The following MYOM2 variants were observed in gnomAD, a reference collection of about 807,000 sequenced individuals.
MYOM2 encodes myomesin-2.
Under a neutral mutation model 187.6 loss-of-function variants are expected in MYOM2, and 254 were observed. The observed-to-expected ratio is 1.35, with a 90% CI of 1.22 to 1.50. The LOEUF (loss-of-function observed/expected upper bound fraction) is 1.50, where lower values mean the gene tolerates loss of function less well. Ranked by LOEUF, MYOM2 falls within the 40% of genes most tolerant of loss-of-function variation. The pLI, the probability that MYOM2 is intolerant of heterozygous loss-of-function variation, is 0.00. For missense variants in MYOM2, 2,796 were observed against 1,924.0 expected (o/e 1.45, Z -8.48); for synonymous variants, 981 against 753.8 (o/e 1.30, Z -4.94).
chr8:2,064,482 G>C (rs17751423), intron 6 of MYOM2, among the ~76,000 whole-genome samples: 17,507 of 152,170 alleles, frequency 0.12, 1,339 homozygotes, highest in Middle Eastern at 0.2. Context: ...CTCCGGTGAC[G>C]GGTTTCTTTA....
chr8:2,095,918 A>T (rs962970164), intron 17 of MYOM2, among the ~76,000 whole-genome samples: 1 of 152,220 alleles, frequency 6.6e-6, no homozygotes, highest in Non-Finnish European at 1.5e-5. Flanking sequence ...AGCTTCTTTC[A>T]AGGGGCCGAG....
At chr8:2,061,078 G>A (rs543911381) in intron 6 of MYOM2, among the ~76,000 whole-genome samples, 1 of 152,262 alleles carries the variant, frequency 6.6e-6, no homozygotes, top group Non-Finnish European at 1.5e-5. Context: ...TATCGAGGGA[G>A]GGGCTTGAGT....
At chr8:2,090,236 G>A (rs1459459057) in intron 15 of MYOM2, 45 bp downstream of exon 15, 14 of 1,565,958 alleles carry the variant, frequency 8.9e-6, no homozygotes, top group African/African-American at 4.1e-5. Flanking sequence ...TGGACTAAGA[G>A]TGGGGTGACA....
At chr8:2,080,815 C>T (rs1415036431) in intron 13 of MYOM2, among the ~76,000 whole-genome samples, 12 of 151,776 alleles carry the variant, frequency 7.9e-5, no homozygotes, top group African/African-American at 2.7e-4. Context: ...TTGGTTCTGG[C>T]CTCCGGGAGG....
chr8:2,053,751 C>A (rs1233305297), intron 3 of MYOM2, among the ~76,000 whole-genome samples: 4 of 152,198 alleles, frequency 2.6e-5, no homozygotes, highest in African/African-American at 9.7e-5. Context: ...CTGTCTTAGA[C>A]GTAGTAGAGA....
chr8:2,051,692 CGGCACTGGCT>C (rs1255001844), intron 2 of MYOM2, among the ~76,000 whole-genome samples: 3 of 152,176 alleles, frequency 2.0e-5, no homozygotes, highest in African/African-American at 4.8e-5. Context: ...AGACTGTGGC[CGGCACTGGCT>C]GGCTCTGAAG....
intron 13 of MYOM2, among the ~76,000 whole-genome samples, chr8:2,084,135 C>T (rs1485498600): frequency 3.9e-5 from 6 of 152,190 alleles, no homozygotes; most frequent in African/African-American, 7.2e-5. Context: ...CTCTGGAATG[C>T]TTTTTTCTGT....
chr8:2,132,986 A>T (rs1445105239), intron 32 of MYOM2, among the ~76,000 whole-genome samples: 1 of 152,058 alleles, frequency 6.6e-6, no homozygotes, highest in African/African-American at 2.4e-5. Context: ...CGGTGACGGG[A>T]CGTTCCCTTT....
At chr8:2,091,132 G>C (rs771653177) in intron 15 of MYOM2, among the ~76,000 whole-genome samples, 5 of 147,030 alleles carry the variant, frequency 3.4e-5, no homozygotes, top group Non-Finnish European at 7.4e-5. Context: ...CTCTGCAATG[G>C]TCACTTTTAA....
intron 25 of MYOM2, among the ~76,000 whole-genome samples, chr8:2,112,005 C>T (rs188732443): frequency 7.9e-5 from 12 of 152,284 alleles, no homozygotes; most frequent in East Asian, 3.9e-4. Context: ...TTTATTCACA[C>T]GTAAACCCTG....
At chr8:2,130,547 G>T (rs1177332087) in intron 32 of MYOM2, among the ~76,000 whole-genome samples, 1 of 152,342 alleles carries the variant, frequency 6.6e-6, no homozygotes, top group East Asian at 1.9e-4. Flanking sequence ...TTAGGTGACT[G>T]TAAGTAAATT....
intron 6 of MYOM2, among the ~76,000 whole-genome samples, chr8:2,061,231 G>A (rs563059415): frequency 6.6e-6 from 1 of 151,908 alleles, no homozygotes; most frequent in Non-Finnish European, 1.5e-5. Flanking sequence ...GTGAGGGAGG[G>A]CGTCTCTGTC....
intron 6 of MYOM2, among the ~76,000 whole-genome samples, chr8:2,066,166 G>A (rs149671317): frequency 3.3e-5 from 5 of 152,286 alleles, no homozygotes; most frequent in East Asian, 1.9e-4. Flanking sequence ...GTCACATCCC[G>A]TGAGTCCTGC....
chr8:2,057,998 G>GTTTTTTTTTTTT lies in MYOM2; in HGVS notation c.560+245_560+256dup, dbSNP rs572901199. 8.7e-5 allele frequency among the ~76,000 whole-genome samples: 7 copies of GTTTTTTTTTTTT among 80,738 alleles called. 1 individual carries two copies. The highest frequency in any genetic ancestry group is 9.6e-4 in the South Asian group (2 of 2,086). The allele number at this position is 80,738 out of a possible 152,430, so 53.0% of individuals were successfully genotyped here. On this transcript the variant is annotated intron_variant, in intron 5 of 36. Coordinates refer to ENST00000262113, the MANE Select transcript of MYOM2 (RefSeq NM_003970.4). Reference sequence around the variant, plus strand: ...ATTGAGTCAACAAATTTTTCAGAGGGTTTTTTTTTTTTTTTTTTTTTTTTT... The same window carrying GTTTTTTTTTTTT: ...ATTGAGTCAACAAATTTTTCAGAGGGTTTTTTTTTTTTTTTTTTTTTTTTTTTTTTTTTTTTT...
intron 3 of MYOM2, among the ~76,000 whole-genome samples, chr8:2,053,306 GAAT>G (rs1489931111): frequency 3.3e-5 from 5 of 152,132 alleles, no homozygotes; most frequent in Non-Finnish European, 7.4e-5. Context: ...CCATGTAAAT[GAAT>G]TCTAGTGTAA....
chr8:2,097,780 G>C (rs1223085010), intron 18 of MYOM2, among the ~76,000 whole-genome samples: 1 of 152,232 alleles, frequency 6.6e-6, no homozygotes, highest in Non-Finnish European at 1.5e-5. Flanking sequence ...GCCTCCCAAA[G>C]TGCGGGGATT....
At chr8:2,075,124 G>C (rs1210550739) in intron 10 of MYOM2, among the ~76,000 whole-genome samples, 1 of 152,190 alleles carries the variant, frequency 6.6e-6, no homozygotes, top group Non-Finnish European at 1.5e-5. Flanking sequence ...TGAAAAGAAA[G>C]AGAAGAAATG....
intron 13 of MYOM2, among the ~76,000 whole-genome samples, chr8:2,080,797 G>A (rs1179354390): frequency 1.3e-5 from 2 of 152,224 alleles, no homozygotes; most frequent in East Asian, 1.9e-4. Flanking sequence ...AGCCCGTGTA[G>A]AATGAGGTTG....
At chr8:2,109,552 T>A (rs1448391481) in intron 25 of MYOM2, 21 bp downstream of exon 25, 3 of 1,592,528 alleles carry the variant, frequency 1.9e-6, no homozygotes, top group Admixed American at 1.8e-5. Context: ...GTGTGAGTGA[T>A]CTCTGGCTTT....
Sources: gnomAD v4.1 joint callset for allele counts (sites outside exome capture counted in the v4.1 genomes callset) on GRCh38, gnomAD v4.1.1 for gene constraint, MANE v1.5 for transcripts, NCBI Gene and HGNC (gene_info 2026-07-23, HGNC 2026-07-21) for gene names.